Variants in KIAA2012 observed in about 807,000 individuals in gnomAD.
The protein encoded by KIAA2012 is KIAA2012.
Under a neutral mutation model 150.6 loss-of-function variants are expected in KIAA2012, and 125 were observed. That is an observed-to-expected ratio of 0.83 (90% CI 0.72 to 0.96). The LOEUF is 0.96. Among genes scored for constraint, KIAA2012 ranks in the 40% least tolerant of loss-of-function variants. The probability of loss-of-function intolerance (pLI) is 0.00; values close to 1 mark genes in which losing one functional copy is unlikely to be tolerated. For missense variants in KIAA2012, 1,219 were observed against 1,354.9 expected, an observed-to-expected ratio of 0.90 and a Z score of 1.57; for synonymous variants, 462 against 504.7, an observed-to-expected ratio of 0.92 and a Z score of 1.13.
intron 16 of KIAA2012, among the ~76,000 whole-genome samples, chr2:202,186,506 C>T (rs1037645386): frequency 8.0e-6 from 1 of 125,694 alleles, no homozygotes; most frequent in African/African-American, 3.3e-5. Flanking sequence ...AGCGAGACTC[C>T]GTCTCAAAAA....
chr2:202,095,742 A>AT (rs879754662), intron 4 of KIAA2012, among the ~76,000 whole-genome samples: 6 of 152,296 alleles, frequency 3.9e-5, no homozygotes, highest in African/African-American at 1.4e-4. Flanking sequence ...TTGTCTCTGT[A>AT]TCCCCCTACT....
intron 15 of KIAA2012, among the ~76,000 whole-genome samples, chr2:202,172,183 A>G (rs1368054329): frequency 1.3e-5 from 2 of 152,216 alleles, no homozygotes; most frequent in African/African-American, 4.8e-5. Context: ...CTTTGAGCTT[A>G]TTTTATCCTC....
intron 2 of KIAA2012, among the ~76,000 whole-genome samples, chr2:202,085,446 T>C (rs946185374): frequency 1.3e-4 from 20 of 152,078 alleles, no homozygotes; most frequent in African/African-American, 4.8e-4. Flanking sequence ...GAGGGCAGCC[T>C]GAGAAGGACT....
In KIAA2012 at chr2:202,113,441, G is replaced by T. The variant is rs1247670328; in HGVS notation, c.1757G>T (p.Gly586Val). ...ACCCAAACCGAGGCGCTTCCATCGGGTAAAGGTAAGCTAACACATTCCAGG... is the reference window on the plus strand; with the variant it reads ...ACCCAAACCGAGGCGCTTCCATCGGTTAAAGGTAAGCTAACACATTCCAGG... ...GHTQTEALPS[G>V]KAYESVNSNI... is the part of the protein sequence containing the mutation. The change falls in exon 11 of 24, where the codon GGT becomes GTT. Residue 586 changes from glycine to valine, a missense_variant. Coordinates refer to ENST00000498697, the MANE Select transcript of KIAA2012 (RefSeq NM_001277372.4). 58 of 1,546,430 alleles carry T rather than the reference G, an allele frequency of 3.8e-5. No individual in the cohort carries two copies. The highest frequency in any genetic ancestry group is 3.5e-5 in the Non-Finnish European group (40 of 1,143,980).
Position 202,074,977 on chromosome 2 carries a change from C to G in KIAA2012, c.171C>G (p.Ser57Arg), listed in dbSNP as rs1689290705. The change falls in exon 2 of 24, where the codon AGC (serine) becomes AGG (arginine). Residue 57 changes from serine to arginine, a missense_variant. Physicochemically the swap from Ser to Arg is moderately radical, Grantham distance 110. Coordinates refer to ENST00000498697, the MANE Select transcript of KIAA2012 (RefSeq NM_001277372.4). ...DKNNASQHSW[S>R]LFLPKTFSTR... is the part of the protein sequence containing the mutation. ...ACAATGCCAGTCAGCACTCCTGGAG[C>G]CTCTTTCTCCCTAAAACTTTCAGTA... The G allele has an allele frequency of 6.4e-7, 1 of 1,550,808 alleles. No homozygotes were observed. The highest frequency in any genetic ancestry group is 8.7e-7 in the Non-Finnish European group (1 of 1,147,046).
intron 14 of KIAA2012, among the ~76,000 whole-genome samples, chr2:202,160,130 G>A (rs1691617806): frequency 6.6e-6 from 1 of 152,064 alleles, no homozygotes; most frequent in East Asian, 1.9e-4. Context: ...AGGGAGCTAG[G>A]ATTCAAAGCC....
At chr2:202,137,954 T>C (rs1341551291) in intron 12 of KIAA2012, 1 of 153,324 alleles carries the variant, frequency 6.5e-6, no homozygotes, top group Non-Finnish European at 1.5e-5. Context: ...GTTTGATTCA[T>C]GTTTCCACCC....
chr2:202,154,842 A>G (rs1424867504), intron 14 of KIAA2012, 32 bp downstream of exon 14: 3 of 1,530,172 alleles, frequency 2.0e-6, no homozygotes, highest in Non-Finnish European at 2.6e-6. Flanking sequence ...GAGGGGTTTT[A>G]TAGACACAAA....
rs1447875958 is a variant in KIAA2012, at chr2:202,075,161, T to C, written c.355T>C (p.Tyr119His). 2 of 1,545,454 alleles carry C rather than the reference T, an allele frequency of 1.3e-6. No individual in the cohort carries two copies. Among genetic ancestry groups the C allele is most frequent in the South Asian group, 1.2e-5 (1 of 83,200 alleles). ...LQDLKEAILA[Y>H]GRQQGEQDRA... The stretch of plus-strand genomic sequence containing the variant: ...AGACCTCAAAGAAGCCATCCTGGCA[T>C]ATGGAAGGCAGCAGGTAGGCAGAAC... The change falls in exon 2 of 24, where the codon TAT (tyrosine) becomes CAT (histidine). Residue 119 changes from tyrosine (Y) to histidine (H), a missense_variant. Physicochemically the swap from Tyr to His is moderately conservative, Grantham distance 83. Transcript: ENST00000498697.
Position 202,184,837 on chromosome 2 carries a change from A to C in KIAA2012, c.2204A>C (p.Gln735Pro). 1 of 1,547,664 alleles carries C rather than the reference A, an allele frequency of 6.5e-7. No homozygotes were observed. The highest frequency in any genetic ancestry group is 8.7e-7 in the Non-Finnish European group (1 of 1,145,844). Reference sequence around the variant, plus strand: ...CAGACCCCAGAAGCAGATATTGTGCAAAAAGTGTAAGTGTTCAAAGTTGTA... The same window carrying C: ...CAGACCCCAGAAGCAGATATTGTGCCAAAAGTGTAAGTGTTCAAAGTTGTA... ...HIQTPEADIV[Q>P]KVGRDYDVHH... is the part of the protein sequence containing the mutation. The change falls in exon 16 of 24, where the codon CAA (glutamine) becomes CCA (proline). Residue 735 changes from glutamine to proline, a missense_variant. Transcript: ENST00000498697.
chr2:202,095,786 T>G (rs952879966), intron 4 of KIAA2012, among the ~76,000 whole-genome samples: 2 of 152,096 alleles, frequency 1.3e-5, no homozygotes, highest in East Asian at 3.9e-4. Context: ...AGATACCCAA[T>G]GTGTAAGACT....
intron 18 of KIAA2012, 56 bp downstream of exon 18, chr2:202,188,322 G>A: frequency 2.2e-6 from 3 of 1,375,738 alleles, no homozygotes; most frequent in Non-Finnish European, 2.0e-6. Flanking sequence ...TAGGGGTCGG[G>A]AGGTGGTATG....
At chr2:202,103,412 G>A (rs1209407691) in intron 8 of KIAA2012, among the ~76,000 whole-genome samples, 2 of 151,828 alleles carry the variant, frequency 1.3e-5, no homozygotes, top group Non-Finnish European at 2.9e-5. Context: ...GTTATAAAAG[G>A]GCAAGAATTT....
Position 202,096,062 on chromosome 2 carries a change from C to T in KIAA2012, c.686-1373C>T, listed in dbSNP as rs180912133. Among the ~76,000 whole-genome samples the T allele has an allele frequency of 1.9e-3, 296 of 152,078 alleles. 1 individual carries two copies. The highest frequency in any genetic ancestry group is 0.015 in the East Asian group (78 of 5,176). On this transcript the variant is annotated intron_variant, in intron 4 of 23. Transcript: ENST00000498697. ...TCATGCCACTGCACTCCAGCCTGGG[C>T]AACAGAGTGAGACTACGTCCCCCGC...
intron 7 of KIAA2012, among the ~76,000 whole-genome samples, chr2:202,101,366 A>G (rs1690039326): frequency 6.6e-6 from 1 of 152,226 alleles, no homozygotes; most frequent in South Asian, 2.1e-4. Flanking sequence ...CATCCACACC[A>G]GAAGGGCCTC....
chr2:202,154,635 T>C, intron 13 of KIAA2012, 38 bp from the exon 14 acceptor site: 1 of 1,511,590 alleles, frequency 6.6e-7, no homozygotes, highest in Non-Finnish European at 8.8e-7. Context: ...CTGTATATCA[T>C]TCATATGAAA....
At chr2:202,141,185 C>T (rs553711691) in intron 13 of KIAA2012, among the ~76,000 whole-genome samples, 2 of 152,254 alleles carry the variant, frequency 1.3e-5, no homozygotes, top group Admixed American at 6.5e-5. Context: ...AGAGGCTGTC[C>T]AAGCTGCAGT....
chr2:202,135,454 G>A (rs779031578), intron 12 of KIAA2012, among the ~76,000 whole-genome samples: 13 of 152,130 alleles, frequency 8.5e-5, no homozygotes, highest in Non-Finnish European at 1.5e-4. Flanking sequence ...TTGCCGCATC[G>A]TTCTGAAAGG....
Position 202,190,324 on chromosome 2 carries a change from G to C in KIAA2012, c.2642G>C (p.Arg881Thr). 10 of 1,550,586 alleles carry C rather than the reference G, an allele frequency of 6.4e-6. No homozygotes were observed. Among genetic ancestry groups the C allele is most frequent in the Non-Finnish European group, 8.7e-6 (10 of 1,147,010 alleles). The change falls in exon 19 of 24, where the codon AGA becomes ACA. Residue 881 changes from arginine to threonine, a missense_variant. Coordinates refer to ENST00000498697, the MANE Select transcript of KIAA2012 (RefSeq NM_001277372.4). ...SYEETEDTSNRGSFASDSFVE... is the reference protein window; with the variant it reads ...SYEETEDTSNTGSFASDSFVE... ...GAGGAAACAGAAGACACCTCAAATA[G>C]AGGTTCCTTTGCCTCAGACTCCTTT...
Sources: gnomAD v4.1 joint callset for allele counts (sites outside exome capture counted in the v4.1 genomes callset) on GRCh38, gnomAD v4.1.1 for gene constraint, MANE v1.5 for transcripts, NCBI Gene and HGNC (gene_info 2026-07-23, HGNC 2026-07-21) for gene names.